Variants in MCF2 observed in about 807,000 individuals in gnomAD.
MCF2 encodes the protein MCF.2 cell line derived transforming sequence, also known as proto-oncogene DBL.
A neutral mutation model predicts 82.5 loss-of-function variants in MCF2; 44 were observed. The observed-to-expected ratio is 0.53, with a 90% CI of 0.42 to 0.69. MCF2 has a LOEUF of 0.69. Ranked by LOEUF, MCF2 falls within the 30% of genes least tolerant of loss-of-function variation. The pLI, the probability that MCF2 is intolerant of heterozygous loss-of-function variation, is 0.00. For synonymous variants in MCF2, 217 were observed against 224.9 expected, an observed-to-expected ratio of 0.96 and a Z score of 0.32; for missense variants, 623 against 663.1, an observed-to-expected ratio of 0.94 and a Z score of 0.66.
chrX:139,631,789 C>T (rs908878687), intron 2 of MCF2, among the ~76,000 whole-genome samples: 2 of 111,608 alleles, frequency 1.8e-5, no homozygotes, highest in Non-Finnish European at 3.8e-5. Flanking sequence ...GTTAATGGTC[C>T]AGCTTCTAAA....
chrX:139,650,581 T>C (rs1246368664), intron 2 of MCF2, among the ~76,000 whole-genome samples: 1 of 112,061 alleles, frequency 8.9e-6, no homozygotes, highest in African/African-American at 3.2e-5. Context: ...TTTATCTGTT[T>C]AATATGCTAA....
At chrX:139,691,851 C>T (rs748897682) in intron 1 of MCF2, 6 of 948,437 alleles carry the variant, frequency 6.3e-6, no homozygotes, top group African/African-American at 2.0e-5. Flanking sequence ...GGGGAGGCAG[C>T]GGCTGAGAAG....
At chrX:139,611,209 C>T (rs1448657773) in intron 10 of MCF2, among the ~76,000 whole-genome samples, 2 of 111,620 alleles carry the variant, frequency 1.8e-5, no homozygotes, top group Non-Finnish European at 3.8e-5. Flanking sequence ...AACCTTTTGT[C>T]CTTCCCTCCT....
At chrX:139,632,724 C>T (rs1408387041) in intron 1 of MCF2, among the ~76,000 whole-genome samples, 2 of 111,447 alleles carry the variant, frequency 1.8e-5, no homozygotes, top group Non-Finnish European at 3.8e-5. Flanking sequence ...AAGAAATAGA[C>T]TCTAAATCTT....
intron 1 of MCF2, among the ~76,000 whole-genome samples, chrX:139,693,482 GAA>G (rs1491455071): frequency 4.9e-5 from 1 of 20,537 alleles, no homozygotes; most frequent in Non-Finnish European, 9.8e-5. Flanking sequence ...AGTAGGGGAG[GAA>G]CACACACACA....
intron 6 of MCF2, among the ~76,000 whole-genome samples, chrX:139,622,188 T>G (rs1243426541): frequency 8.9e-6 from 1 of 111,923 alleles, no homozygotes; most frequent in Non-Finnish European, 1.9e-5. Flanking sequence ...AGATACCATC[T>G]CACACAAGTT....
chrX:139,597,168 A>G (rs758489652), intron 18 of MCF2, among the ~76,000 whole-genome samples: 1 of 111,195 alleles, frequency 9.0e-6, no homozygotes, highest in Non-Finnish European at 1.9e-5. Flanking sequence ...TACAGGGGCA[A>G]GCAGCAATTA....
At chrX:139,592,470 G>A (rs184821042) in intron 19 of MCF2, among the ~76,000 whole-genome samples, 3 of 111,621 alleles carry the variant, frequency 2.7e-5, no homozygotes, top group Non-Finnish European at 1.9e-5. Flanking sequence ...ATATGAAATA[G>A]AAATACTATA....
At position 139,693,407 on chromosome X, in the gene MCF2, C is replaced by G. The variant is rs149755614; in HGVS notation, c.-45+14699G>C. Among the ~76,000 whole-genome samples the G allele has an allele frequency of 5.8e-3, 640 of 109,740 alleles. 4 individuals are homozygous for G. The highest frequency in any genetic ancestry group is 9.3e-3 in the Middle Eastern group (2 of 216). ...CAGGCCAATCATTCCAAGTAGATCT[C>G]TTATGAGGAATCGCCAATTTATACC... On this transcript the variant is annotated intron_variant, in intron 1 of 27. Transcript: ENST00000414978.
chrX:139,672,362 G>A (rs1383027682), intron 1 of MCF2, among the ~76,000 whole-genome samples: 2 of 112,639 alleles, frequency 1.8e-5, no homozygotes, highest in Non-Finnish European at 3.7e-5. Context: ...TTGAATAGGA[G>A]TGGTGAGAGG....
At chrX:139,613,189 C>T in intron 10 of MCF2, 27 bp downstream of exon 14, 1 of 1,083,912 alleles carries the variant, frequency 9.2e-7, no homozygotes, top group Non-Finnish European at 1.2e-6. Context: ...AATGTATTGG[C>T]AAAAGTAATA....
chrX:139,594,023 A>G (rs373937081), intron 19 of MCF2, among the ~76,000 whole-genome samples: 8 of 110,987 alleles, frequency 7.2e-5, no homozygotes, highest in African/African-American at 1.6e-4. Context: ...TACAAGGGAC[A>G]TGAAGGACCT....
exon 5 of MCF2, chrX:139,626,658 A>G (rs1404080087): frequency 8.3e-7 from 1 of 1,209,334 alleles, no homozygotes; most frequent in Non-Finnish European, 1.1e-6. Flanking sequence ...TTATTTGCCG[A>G]TGACATTCTA....
intron 1 of MCF2, among the ~76,000 whole-genome samples, chrX:139,676,670 A>G (rs185964343): frequency 3.8e-4 from 43 of 111,923 alleles, no homozygotes; most frequent in African/African-American, 1.3e-3. Context: ...CCTATTTCAC[A>G]GGGTTATTGT....
At chrX:139,597,372 C>G in intron 18 of MCF2, 88 bp downstream of exon 22, 1 of 673,265 alleles carries the variant, frequency 1.5e-6, no homozygotes, top group East Asian at 4.0e-5. Context: ...GATTCTTATA[C>G]GTTATTTCTC....
At chrX:139,705,477 T>C (rs1935573566) in intron 1 of MCF2, among the ~76,000 whole-genome samples, 1 of 112,508 alleles carries the variant, frequency 8.9e-6, no homozygotes, top group South Asian at 3.7e-4. Context: ...AATTCCATAT[T>C]CAGTAAATGG....
intron 1 of MCF2, among the ~76,000 whole-genome samples, chrX:139,681,713 G>A (rs1468536537): frequency 8.9e-6 from 1 of 111,746 alleles, no homozygotes; most frequent in Non-Finnish European, 1.9e-5. Context: ...TTAGAAATAA[G>A]TTCCCTGAAG....
chrX:139,641,663 A>G (rs1400622879), intron 1 of MCF2, among the ~76,000 whole-genome samples: 1 of 111,513 alleles, frequency 9.0e-6, no homozygotes, highest in African/African-American at 3.3e-5. Flanking sequence ...TAATCTTTGA[A>G]AGAAAAAGAG....
rs772153138 is a variant in MCF2 at position 139,610,288 on chromosome X, T to G, written c.1401+13A>C. 9.0e-7 allele frequency: 1 copy of G among 1,114,430 alleles called. No homozygotes were observed. Among genetic ancestry groups the G allele is most frequent in the East Asian group, 3.1e-5 (1 of 32,389 alleles). 91.8% of individuals were successfully genotyped at this position (1,114,430 alleles called of 1,213,427 possible). A position where few individuals can be genotyped will look rare whatever the true frequency, so the allele number is the denominator to read the frequency against. On this transcript the variant is annotated intron_variant, in intron 11 of 24. Transcript: ENST00000370576. Reference sequence around the variant, plus strand: ...GCAATAAAGTCAATTTTGAATTAATTAATGATATTTACTTTTAAGTTGCTC... The same window carrying G: ...GCAATAAAGTCAATTTTGAATTAATGAATGATATTTACTTTTAAGTTGCTC...
Sources: allele counts gnomAD v4.1 joint callset (sites outside exome capture counted in the v4.1 genomes callset), GRCh38; gene constraint gnomAD v4.1.1; transcripts MANE v1.5; gene names NCBI Gene and HGNC (gene_info 2026-07-23, HGNC 2026-07-21).